Variants in ABCA1 observed in about 807,000 individuals in gnomAD.
ABCA1 encodes ATP binding cassette subfamily A member 1.
In ABCA1, 133 loss-of-function variants were observed where a neutral mutation model predicts 262.5. That is an observed-to-expected ratio of 0.51 (90% confidence interval 0.44 to 0.59). ABCA1 has a LOEUF of 0.59. Ranked by LOEUF, ABCA1 falls within the 20% of genes least tolerant of loss-of-function variation. The pLI is 0.00. For missense variants in ABCA1, 2,452 were observed against 2,777.5 expected, an observed-to-expected ratio of 0.88 and a Z score of 2.63; for synonymous variants, 1,022 against 1,043.5, an observed-to-expected ratio of 0.98 and a Z score of 0.40.
intron 14 of ABCA1, among the ~76,000 whole-genome samples, chr9:104,829,413 T>C (rs1833065486): frequency 6.6e-6 from 1 of 152,172 alleles, no homozygotes; most frequent in Non-Finnish European, 1.5e-5. Context: ...AAACTAAAGG[T>C]AGATTATGTT....
intron 1 of ABCA1, among the ~76,000 whole-genome samples, chr9:104,919,385 G>T (rs1405873522): frequency 1.3e-5 from 2 of 152,122 alleles, no homozygotes; most frequent in Non-Finnish European, 2.9e-5. Context: ...GCCAAGGTGG[G>T]CAGATCACAA....
intron 48 of ABCA1, 132 bp from the exon 49 acceptor site, chr9:104,785,771 G>A: frequency 9.9e-7 from 1 of 1,009,032 alleles, no homozygotes; most frequent in Non-Finnish European, 1.5e-6. Context: ...GTTTCTGAGA[G>A]AAGGAACCAG....
rs1829525327 is a variant in ABCA1 at position 104,792,649 on chromosome 9, AAT to A, written c.5757+135_5757+136del. On this transcript the variant is annotated intron_variant, in intron 42 of 49. Coordinates refer to ENST00000374736, the MANE Select transcript of ABCA1 (RefSeq NM_005502.4). ...AGTCTCCATGGTGTTTTTAAAATAAAATTGACAGAACCTTGGTATAGATGTAC... is the reference window on the plus strand; with the variant it reads ...AGTCTCCATGGTGTTTTTAAAATAAATGACAGAACCTTGGTATAGATGTAC... 3 of 1,088,924 alleles carry A rather than the reference AAT, an allele frequency of 2.8e-6. No individual in the cohort carries two copies. In the East Asian group the frequency reaches 7.3e-5, roughly 26 times the overall value. The allele number at this position is 1,088,924 out of a possible 1,614,324, so 67.5% of individuals were successfully genotyped here.
chr9:104,840,752 T>C (rs1440517483), intron 8 of ABCA1, among the ~76,000 whole-genome samples: 1 of 152,148 alleles, frequency 6.6e-6, no homozygotes, highest in East Asian at 1.9e-4. Context: ...GGAGACATTG[T>C]TGGAAATGCG....
intron 32 of ABCA1, among the ~76,000 whole-genome samples, chr9:104,803,644 G>C (rs1053201168): frequency 1.3e-5 from 2 of 151,150 alleles, no homozygotes; most frequent in African/African-American, 4.9e-5. Context: ...TTTCGCTCTT[G>C]TTGCCCAGGC....
At position 104,906,016 on chromosome 9, in the gene ABCA1, T is replaced by G. The variant is rs191708009; in HGVS notation, c.-92-2245A>C. 5.6e-3 allele frequency among the ~76,000 whole-genome samples: 855 copies of G among 152,306 alleles called. 10 individuals are homozygous for G. Among genetic ancestry groups the G allele is most frequent in the Non-Finnish European group, 8.7e-3 (589 of 68,024 alleles). On this transcript the variant is annotated intron_variant, in intron 1 of 49. Transcript: ENST00000374736. ...TGTTCAACTGTGTTCTACTGTGGAT[T>G]CAACGAGATAATATAAATAATTTCC...
chr9:104,798,384 C>T (rs1830073547), intron 37 of ABCA1, 37 bp downstream of exon 37: 1 of 1,609,030 alleles, frequency 6.2e-7, no homozygotes, highest in African/African-American at 1.3e-5. Flanking sequence ...ATGGCCCTGA[C>T]AGACATCAGA....
chr9:104,837,843 A>G (rs1833958710), intron 9 of ABCA1, among the ~76,000 whole-genome samples: 3 of 152,244 alleles, frequency 2.0e-5, no homozygotes, highest in African/African-American at 7.2e-5. Context: ...TATAACGTCA[A>G]TGACGGATAA....
Position 104,819,629 on chromosome 9 carries a change from G to T in ABCA1, c.3198C>A (p.Tyr1066Ter). 1 of 1,614,220 alleles carries T rather than the reference G, an allele frequency of 6.2e-7. No homozygotes were observed. Among genetic ancestry groups the T allele is most frequent in the Non-Finnish European group, 8.5e-7 (1 of 1,180,038 alleles). The change falls in exon 22 of 50, where the codon TAC becomes TAA. Residue 1066 changes from tyrosine (Y) to a stop codon, truncating the protein, a stop_gained. Coordinates refer to ENST00000374736, the MANE Select transcript of ABCA1 (RefSeq NM_005502.4). LOFTEE classifies it high-confidence loss of function. ...GCAGCTCCCATATTCCCCTGCGGGA[G>T]TAAGGGTCCACACCAGCTGTGGGTT... ...LDEPTAGVDPYSRRGIWELLL... is the reference protein window; with the variant it reads ...LDEPTAGVDP
chr9:104,847,764 T>C (rs779342515), intron 7 of ABCA1, among the ~76,000 whole-genome samples: 3 of 152,226 alleles, frequency 2.0e-5, no homozygotes, highest in Non-Finnish European at 4.4e-5. Context: ...ATAAAATGCC[T>C]TTCTCCCCTT....
At chr9:104,920,238 T>C (rs1434405308) in intron 1 of ABCA1, among the ~76,000 whole-genome samples, 1 of 152,252 alleles carries the variant, frequency 6.6e-6, no homozygotes, top group Non-Finnish European at 1.5e-5. Flanking sequence ...GTGTATTTTT[T>C]CTGAAGAGAA....
chr9:104,842,815 C>T, intron 8 of ABCA1, among the ~76,000 whole-genome samples: 1 of 152,146 alleles, frequency 6.6e-6, no homozygotes, highest in Non-Finnish European at 1.5e-5. Flanking sequence ...CATCATGTCC[C>T]CTCCCTCAAG....
At chr9:104,871,597 C>T (rs1249954488) in intron 5 of ABCA1, among the ~76,000 whole-genome samples, 1 of 152,008 alleles carries the variant, frequency 6.6e-6, no homozygotes, top group African/African-American at 2.4e-5. Flanking sequence ...AATTTTGGAC[C>T]TGAACAGAAT....
At chr9:104,909,578 G>C (rs1030871812) in intron 1 of ABCA1, among the ~76,000 whole-genome samples, 1 of 149,250 alleles carries the variant, frequency 6.7e-6, no homozygotes, top group African/African-American at 2.5e-5. Flanking sequence ...CCAGACAGCA[G>C]ACAGATTCAG....
intron 2 of ABCA1, among the ~76,000 whole-genome samples, chr9:104,892,173 G>A (rs564095196): frequency 1.3e-5 from 2 of 151,942 alleles, no homozygotes; most frequent in South Asian, 4.2e-4. Flanking sequence ...AAAGCATGCT[G>A]ACAGTGGAGT....
At chr9:104,814,297 G>T (rs1362965618) in intron 26 of ABCA1, 66 bp from the exon 27 acceptor site, 7 of 1,569,190 alleles carry the variant, frequency 4.5e-6, no homozygotes, top group Non-Finnish European at 6.1e-6. Context: ...TTCCCCATCT[G>T]CAACAAACCT....
chr9:104,896,709 ATCTTTTTTTTTTTTT>A (rs1840240194), intron 2 of ABCA1, among the ~76,000 whole-genome samples: 6 of 78,294 alleles, frequency 7.7e-5, no homozygotes, highest in African/African-American at 3.2e-4. Context: ...CTCCCTACAC[ATCTTTTTTTTTTTTT>A]TTTTTTTTTT....
chr9:104,793,743 T>C (rs1214304337), intron 40 of ABCA1, among the ~76,000 whole-genome samples: 3 of 152,174 alleles, frequency 2.0e-5, no homozygotes, highest in Non-Finnish European at 4.4e-5. Flanking sequence ...ACCACTAGAT[T>C]CAATTAAATC....
At position 104,785,585 on chromosome 9, in the gene ABCA1, C is replaced by T; in HGVS notation, c.6456G>A (p.Leu2152=). 6.2e-7 allele frequency: 1 copy of T among 1,614,156 alleles called. No homozygotes were observed. The highest frequency in any genetic ancestry group is 8.5e-7 in the Non-Finnish European group (1 of 1,180,014). The change falls in exon 49 of 50, where the codon CTG becomes CTA. Residue 2152 remains leucine (L), a synonymous_variant. Transcript: ENST00000374736. The stretch of plus-strand genomic sequence containing the variant: ...GTCCAAAGAAATCCTGGACAGGCTT[C>T]AGGTCCGGGTTGGACCCTGCTATTC... ...VVRIAGSNPD[L]KPVQDFFGLA...
Sources: allele counts gnomAD v4.1 joint callset (sites outside exome capture counted in the v4.1 genomes callset), GRCh38; gene constraint gnomAD v4.1.1; transcripts MANE v1.5; gene names NCBI Gene and HGNC (gene_info 2026-07-23, HGNC 2026-07-21).